The following ARHGEF11 variants were observed in gnomAD, a reference collection of about 807,000 sequenced individuals.
ARHGEF11 encodes the protein Rho guanine nucleotide exchange factor 11.
In ARHGEF11, 55 loss-of-function variants were observed where a neutral mutation model predicts 193.7. That is an observed-to-expected ratio of 0.28 (90% CI 0.23 to 0.36). The LOEUF is 0.36. ARHGEF11 is among the 10% of genes least tolerant of loss of function. The pLI, the probability that ARHGEF11 is intolerant of heterozygous loss-of-function variation, is 1.00. For synonymous variants in ARHGEF11, 693 were observed against 768.0 expected, an observed-to-expected ratio of 0.90 and a Z score of 1.62; for missense variants, 1,723 against 2,005.6, an observed-to-expected ratio of 0.86 and a Z score of 2.69.
intron 1 of ARHGEF11, among the ~76,000 whole-genome samples, chr1:156,992,615 GTA>G (rs5778016): frequency 0.24 from 31,545 of 131,640 alleles, 3,527 homozygotes; most frequent in East Asian, 0.51. Context: ...GTGTGTGTGT[GTA>G]TATATATATA....
intron 1 of ARHGEF11, among the ~76,000 whole-genome samples, chr1:156,995,795 A>C (rs1666402115): frequency 6.6e-6 from 1 of 151,070 alleles, no homozygotes; most frequent in South Asian, 2.1e-4. Context: ...CCTCAGCCTC[A>C]GCCTCCCAAC....
intron 1 of ARHGEF11, among the ~76,000 whole-genome samples, chr1:156,993,355 TAATA>T (rs1666040378): frequency 1.3e-5 from 2 of 152,280 alleles, no homozygotes; most frequent in African/African-American, 4.8e-5. Flanking sequence ...CACACACATA[TAATA>T]TATACATATA....
intron 5 of ARHGEF11, 30 bp downstream of exon 5, chr1:156,979,199 T>A: frequency 6.2e-7 from 1 of 1,608,772 alleles, no homozygotes; most frequent in Non-Finnish European, 8.5e-7. Flanking sequence ...TCTGCTTCCC[T>A]ACTTTAGTTG....
intron 1 of ARHGEF11, among the ~76,000 whole-genome samples, chr1:157,011,434 T>C (rs1668530354): frequency 6.6e-6 from 1 of 152,170 alleles, no homozygotes; most frequent in Admixed American, 6.5e-5. Context: ...AGTGGTTTTC[T>C]AGATATGACA....
chr1:156,979,400 C>G, intron 4 of ARHGEF11, 114 bp from the exon 5 acceptor site: 1 of 744,558 alleles, frequency 1.3e-6, no homozygotes, highest in Non-Finnish European at 2.1e-6. Context: ...GAGTCTTGCT[C>G]TGTCACCCAG....
intron 40 of ARHGEF11, 134 bp from the exon 41 acceptor site, chr1:156,936,192 C>A: frequency 1.0e-6 from 1 of 962,364 alleles, no homozygotes. Flanking sequence ...CCCAGTTTCT[C>A]GTAGGGCTTG....
chr1:156,983,917 T>A (rs1664557242), intron 3 of ARHGEF11, among the ~76,000 whole-genome samples: 1 of 152,236 alleles, frequency 6.6e-6, no homozygotes, highest in Non-Finnish European at 1.5e-5. Context: ...TGCTCTGTAA[T>A]CATTTGGACC....
chr1:156,936,526 A>ATATATATATATATATATATAT (rs1655356160), intron 40 of ARHGEF11, among the ~76,000 whole-genome samples: 1 of 132,376 alleles, frequency 7.6e-6, no homozygotes, highest in African/African-American at 2.9e-5. Flanking sequence ...ATATATATAT[A>ATATATATATATATATATATAT]AAATTAAAAA....
chr1:157,046,834 A>ACCC (rs140150092), upstream of ARHGEF11, among the ~76,000 whole-genome samples: 15 of 146,248 alleles, frequency 1.0e-4, no homozygotes, highest in Admixed American at 2.7e-4. Context: ...ACATGGTGAA[A>ACCC]CCCCCCCCCT....
chr1:156,967,433 C>T (rs147584258), intron 11 of ARHGEF11, among the ~76,000 whole-genome samples: 59 of 152,308 alleles, frequency 3.9e-4, no homozygotes, highest in African/African-American at 1.4e-3. Flanking sequence ...AACCCATCTT[C>T]CTGAAGTCTC....
At chr1:157,013,707 T>C (rs1668852400) in intron 1 of ARHGEF11, among the ~76,000 whole-genome samples, 1 of 152,198 alleles carries the variant, frequency 6.6e-6, no homozygotes, top group Admixed American at 6.5e-5. Flanking sequence ...TTTTGAATCT[T>C]GACATTGCTC....
intron 1 of ARHGEF11, among the ~76,000 whole-genome samples, chr1:156,992,701 G>C (rs539926036): frequency 6.6e-6 from 1 of 152,204 alleles, no homozygotes; most frequent in African/African-American, 2.4e-5. Flanking sequence ...CAGAAGTTCT[G>C]GCATCCTCGA....
chr1:156,968,454 C>G (rs530728022), intron 10 of ARHGEF11, among the ~76,000 whole-genome samples: 10 of 152,332 alleles, frequency 6.6e-5, no homozygotes, highest in African/African-American at 2.4e-4. Flanking sequence ...ACAGCACACA[C>G]TCTTCATCAC....
At chr1:157,031,947 A>G (rs899967247) in intron 1 of ARHGEF11, among the ~76,000 whole-genome samples, 2 of 152,252 alleles carry the variant, frequency 1.3e-5, no homozygotes, top group Admixed American at 6.5e-5. Flanking sequence ...AAAATTCAGA[A>G]CCTGGGATCA....
intron 1 of ARHGEF11, among the ~76,000 whole-genome samples, chr1:157,007,899 G>GTTTTTTTTTTTTTTTTTTTTTTTTTT (rs11290114): frequency 7.8e-6 from 1 of 128,948 alleles, no homozygotes; most frequent in African/African-American, 2.9e-5. Flanking sequence ...GAAGGCAAAG[G>GTTTTTTTTTTTTTTTTTTTTTTTTTT]TTTTTTTTTT....
At chr1:156,996,992 G>C (rs1666610816) in intron 1 of ARHGEF11, among the ~76,000 whole-genome samples, 1 of 150,978 alleles carries the variant, frequency 6.6e-6, no homozygotes, top group African/African-American at 2.4e-5. Flanking sequence ...CTCTCAAGTA[G>C]CTGGGATTAC....
intron 13 of ARHGEF11, 30 bp from the exon 14 acceptor site, chr1:156,961,805 G>A: frequency 6.3e-7 from 1 of 1,598,000 alleles, no homozygotes; most frequent in Non-Finnish European, 8.6e-7. Flanking sequence ...GGTTAGAGCA[G>A]TGGTTCTCCC....
intron 21 of ARHGEF11, among the ~76,000 whole-genome samples, chr1:156,953,270 C>A (rs549240285): frequency 6.6e-6 from 1 of 152,164 alleles, no homozygotes; most frequent in Non-Finnish European, 1.5e-5. Flanking sequence ...TAGTGAGACC[C>A]TCTCTCTACA....
At chr1:157,037,336 G>A (rs1051465828) in intron 1 of ARHGEF11, among the ~76,000 whole-genome samples, 1 of 152,034 alleles carries the variant, frequency 6.6e-6, no homozygotes, top group African/African-American at 2.4e-5. Context: ...ATTAATATCA[G>A]AATTCTCTCT....
Sources: allele counts gnomAD v4.1 joint callset (sites outside exome capture counted in the v4.1 genomes callset), GRCh38; gene constraint gnomAD v4.1.1; transcripts MANE v1.5; gene names NCBI Gene and HGNC (gene_info 2026-07-23, HGNC 2026-07-21).